COL4A2: variants seen among roughly 807,000 people sequenced by gnomAD.
COL4A2 encodes collagen alpha-2(IV) chain.
In COL4A2, 99 loss-of-function variants were observed where a neutral mutation model predicts 200.2. The observed-to-expected ratio is 0.49, with a 90% CI of 0.42 to 0.58. The LOEUF is 0.58. Among genes scored for constraint, COL4A2 ranks in the 20% least tolerant of loss-of-function variants. COL4A2 has a pLI of 0.00. For synonymous variants in COL4A2, 897 were observed against 900.6 expected, an observed-to-expected ratio of 1.00 and a Z score of 0.07; for missense variants, 1,950 against 2,314.1, an observed-to-expected ratio of 0.84 and a Z score of 3.23.
intron 3 of COL4A2, among the ~76,000 whole-genome samples, chr13:110,334,620 A>G (rs1876084805): frequency 6.6e-6 from 1 of 152,178 alleles, no homozygotes; most frequent in Admixed American, 6.5e-5. Context: ...TTTGCTCCTT[A>G]CAGTGTGGAT....
At chr13:110,473,172 CG>C in intron 29 of COL4A2, 22 bp downstream of exon 29, 6 of 1,547,374 alleles carry the variant, frequency 3.9e-6, no homozygotes, top group African/African-American at 2.7e-5. Flanking sequence ...ATCGGGGAGC[CG>C]GGGGCCCCAT....
chr13:110,313,026 C>T (rs73619284), intron 3 of COL4A2, among the ~76,000 whole-genome samples: 36,608 of 152,086 alleles, frequency 0.24, 4,783 homozygotes, highest in East Asian at 0.48. Context: ...GATGAGAAAG[C>T]CCTTCCAGAT....
intron 15 of COL4A2, among the ~76,000 whole-genome samples, chr13:110,439,083 A>G (rs999371215): frequency 6.6e-6 from 1 of 152,212 alleles, no homozygotes; most frequent in Non-Finnish European, 1.5e-5. Context: ...CCCTAGTCGT[A>G]AGGGTCGGGA....
intron 4 of COL4A2, among the ~76,000 whole-genome samples, chr13:110,386,922 C>T (rs1878772594): frequency 6.6e-6 from 1 of 152,130 alleles, no homozygotes; most frequent in African/African-American, 2.4e-5. Context: ...AATGAGGAAA[C>T]ATTATCCAGA....
At chr13:110,344,007 G>T (rs1234805214) in intron 3 of COL4A2, among the ~76,000 whole-genome samples, 1 of 151,590 alleles carries the variant, frequency 6.6e-6, no homozygotes, top group East Asian at 1.9e-4. Flanking sequence ...CCAAGAACTG[G>T]CATGCCGTAT....
intron 31 of COL4A2, among the ~76,000 whole-genome samples, chr13:110,481,168 C>T (rs113810380): frequency 4.5e-5 from 2 of 44,784 alleles, no homozygotes; most frequent in African/African-American, 2.5e-4. Flanking sequence ...TGTTCTGTCC[C>T]TCCGTTGCTG....
At chr13:110,435,794 A>G (rs1308133731) in intron 12 of COL4A2, among the ~76,000 whole-genome samples, 1 of 152,206 alleles carries the variant, frequency 6.6e-6, no homozygotes, top group Non-Finnish European at 1.5e-5. Context: ...AATTAAAGCA[A>G]TCTTGGGATA....
At chr13:110,342,092 G>A (rs1485454994) in intron 3 of COL4A2, among the ~76,000 whole-genome samples, 5 of 152,244 alleles carry the variant, frequency 3.3e-5, no homozygotes, top group Middle Eastern at 3.4e-3. Context: ...GGTTGACCTC[G>A]GGTACAAGAT....
At chr13:110,378,287 A>C (rs556658646) in intron 4 of COL4A2, among the ~76,000 whole-genome samples, 1 of 152,364 alleles carries the variant, frequency 6.6e-6, no homozygotes, top group East Asian at 1.9e-4. Context: ...AATAAAACTC[A>C]GATGTAAGGA....
intron 4 of COL4A2, among the ~76,000 whole-genome samples, chr13:110,369,137 G>A (rs1399960021): frequency 1.3e-5 from 2 of 150,424 alleles, no homozygotes; most frequent in Admixed American, 6.6e-5. Flanking sequence ...CTTGAACTCG[G>A]GAGTTGGAGG....
Position 110,492,166 on chromosome 13 carries a change from C to T in COL4A2, c.3551C>T (p.Pro1184Leu), listed in dbSNP as rs1182652069. 4 of 1,552,222 alleles carry T rather than the reference C, an allele frequency of 2.6e-6. No individual in the cohort carries two copies. The highest frequency in any genetic ancestry group is 2.0e-5 in the Admixed American group (1 of 51,042). ...GGAGATGATGGCTGGCCGGGAGCTC[C>T]GGGCTTACCAGGTAAGGTCACGTAA... ...GKGDDGWPGA[P>L]GLPGFPGLRG... Residue 1184 changes from proline to leucine, a missense_variant, in exon 38 of 48, where the codon CCG becomes CTG. Physicochemically the swap from Pro to Leu is moderately conservative, Grantham distance 98. This residue lies in a region of COL4A2 where 1,385 missense variants were observed against 1,720.5 expected (regional missense o/e 0.80). Transcript: ENST00000360467.
At position 110,503,289 on chromosome 13, in the gene COL4A2, G is replaced by A. The variant is rs1883715068; in HGVS notation, c.4039+7G>A. On this transcript the variant is annotated splice_region_variant and intron_variant, in intron 42 of 47. Coordinates refer to ENST00000360467, the MANE Select transcript of COL4A2 (RefSeq NM_001846.4). ...GGTCTCCCAGGAGAAAAAGGTAACA[G>A]TGCCCATGGCCATGGGCCAGCAGCC... 6.2e-7 allele frequency: 1 copy of A among 1,600,642 alleles called. No homozygotes were observed. Among genetic ancestry groups the A allele is most frequent in the Non-Finnish European group, 8.5e-7 (1 of 1,174,448 alleles).
rs564388088 is a variant in COL4A2, at chr13:110,384,389, C to T, written c.180+26837C>T. 3.9e-5 allele frequency among the ~76,000 whole-genome samples: 6 copies of T among 152,304 alleles called. No individual in the cohort carries two copies. The South Asian group carries it at 1.2e-3, about 32-fold the overall frequency. On this transcript the variant is annotated intron_variant, in intron 4 of 47. Transcript: ENST00000360467. ...TCCTTAAGTATCCAATTCTATGATT[C>T]GGTGTGAAGCATTATCACACTTGTC...
At chr13:110,348,650 G>C (rs1397990779) in intron 3 of COL4A2, among the ~76,000 whole-genome samples, 2 of 69,304 alleles carry the variant, frequency 2.9e-5, no homozygotes, top group Non-Finnish European at 6.5e-5. Flanking sequence ...ACAAAGAATT[G>C]TATAGATTTT....
intron 3 of COL4A2, among the ~76,000 whole-genome samples, chr13:110,310,720 G>A (rs561247627): frequency 6.6e-5 from 10 of 152,292 alleles, no homozygotes; most frequent in African/African-American, 1.7e-4. Flanking sequence ...GCCGCTGGGA[G>A]CCCTTTGGCT....
At chr13:110,415,580 T>C (rs11618413) in intron 4 of COL4A2, among the ~76,000 whole-genome samples, 20,205 of 152,280 alleles carry the variant, frequency 0.13, 1,737 homozygotes, top group East Asian at 0.34. Context: ...GTTTGTATTA[T>C]CGTAGCGGAA....
chr13:110,336,174 G>C (rs1394736810), intron 3 of COL4A2, among the ~76,000 whole-genome samples: 1 of 152,220 alleles, frequency 6.6e-6, no homozygotes, highest in East Asian at 1.9e-4. Context: ...CATTGAAGTA[G>C]AGAATTGAGA....
intron 4 of COL4A2, among the ~76,000 whole-genome samples, chr13:110,392,197 C>G (rs913848080): frequency 6.6e-6 from 1 of 152,112 alleles, no homozygotes; most frequent in Admixed American, 6.6e-5. Context: ...AAAGAATCAT[C>G]AAGAAAACAA....
intron 4 of COL4A2, among the ~76,000 whole-genome samples, chr13:110,415,434 C>A (rs1880003390): frequency 6.6e-6 from 1 of 152,070 alleles, no homozygotes; most frequent in South Asian, 2.1e-4. Context: ...TAAAGCATGT[C>A]CTATTCAGGA....
Sources: gnomAD v4.1 joint callset for allele counts (sites outside exome capture counted in the v4.1 genomes callset) on GRCh38, gnomAD v4.1.1 for gene constraint, gnomAD v4.1.1 regional missense constraint, MANE v1.5 for transcripts, NCBI Gene and HGNC (gene_info 2026-07-23, HGNC 2026-07-21) for gene names.